MAP6: variants seen among roughly 807,000 people sequenced by gnomAD.
MAP6 encodes microtubule associated protein 6.
In MAP6, 26 loss-of-function variants were observed where a neutral mutation model predicts 42.4. That is an observed-to-expected ratio of 0.61 (90% confidence interval 0.45 to 0.85). The LOEUF (loss-of-function observed/expected upper bound fraction) is 0.85. MAP6 is among the 40% of genes least tolerant of loss of function. The pLI, the probability that MAP6 is intolerant of heterozygous loss-of-function variation, is 0.00. For missense variants in MAP6, 966 were observed against 1,099.0 expected, an observed-to-expected ratio of 0.88 and a Z score of 1.71; for synonymous variants, 418 against 443.8, an observed-to-expected ratio of 0.94 and a Z score of 0.73.
At chr11:75,666,446 G>A (rs1231303090) in intron 1 of MAP6, among the ~76,000 whole-genome samples, 1 of 152,194 alleles carries the variant, frequency 6.6e-6, no homozygotes, top group Non-Finnish European at 1.5e-5. Context: ...TGAGTGTGCT[G>A]GAGAAAGGGG....
At chr11:75,656,588 C>A (rs1258795352) in intron 1 of MAP6, among the ~76,000 whole-genome samples, 1 of 152,064 alleles carries the variant, frequency 6.6e-6, no homozygotes, top group Non-Finnish European at 1.5e-5. Context: ...TTTGCTGACT[C>A]CTCCCTCACA....
intron 1 of MAP6, among the ~76,000 whole-genome samples, chr11:75,628,722 T>C (rs1212384836): frequency 6.6e-6 from 1 of 152,228 alleles, no homozygotes; most frequent in Non-Finnish European, 1.5e-5. Flanking sequence ...GTACAAGTTA[T>C]GAGACCCATC....
chr11:75,608,232 A>C lies in MAP6; in HGVS notation c.996T>G (p.His332Gln). 6.2e-7 allele frequency: 1 copy of C among 1,614,234 alleles called. No individual in the cohort carries two copies. The highest frequency in any genetic ancestry group is 8.5e-7 in the Non-Finnish European group (1 of 1,180,034). ...QYKPPDDKMV[H>Q]ETSYSAQFKG... ...TGAACTGAGCACTGTAGCTGGTCTC[A>C]TGAACCATCTTATCATCTGGGGGCT... Residue 332 changes from histidine (H) to glutamine (Q), a missense_variant, in exon 2 of 4, where the codon CAT becomes CAG. By Grantham distance (24) the His-to-Gln change is conservative. Transcript: ENST00000304771.
chr11:75,629,553 A>G (rs894904904), intron 1 of MAP6, among the ~76,000 whole-genome samples: 5 of 152,164 alleles, frequency 3.3e-5, no homozygotes, highest in African/African-American at 1.2e-4. Context: ...CTTTCACTAT[A>G]AAGGGCAAAA....
chr11:75,652,892 C>T (rs955165281), intron 1 of MAP6, among the ~76,000 whole-genome samples: 1 of 151,684 alleles, frequency 6.6e-6, no homozygotes, highest in Non-Finnish European at 1.5e-5. Context: ...CTTTAGAAAC[C>T]TTGACAATGC....
At chr11:75,608,924 T>C (rs770075429) in intron 1 of MAP6, among the ~76,000 whole-genome samples, 19 of 152,228 alleles carry the variant, frequency 1.2e-4, no homozygotes, top group Non-Finnish European at 2.5e-4. Flanking sequence ...AACATCCTCG[T>C]GAAATGTCTA....
intron 1 of MAP6, chr11:75,635,900 T>A (rs923161373): frequency 6.6e-6 from 1 of 152,262 alleles, no homozygotes; most frequent in Non-Finnish European, 1.5e-5. Flanking sequence ...AGTTGTTTTA[T>A]AATAAGTACA....
At chr11:75,657,818 T>C (rs1009817800) in intron 1 of MAP6, among the ~76,000 whole-genome samples, 1 of 152,232 alleles carries the variant, frequency 6.6e-6, no homozygotes. Flanking sequence ...CACCCTAATA[T>C]TGACACTTCT....
chr11:75,653,933 G>A (rs1049600613), intron 1 of MAP6, among the ~76,000 whole-genome samples: 1 of 152,214 alleles, frequency 6.6e-6, no homozygotes, highest in African/African-American at 2.4e-5. Context: ...TACTACGGGC[G>A]AGGCACTGTG....
chr11:75,620,166 T>C (rs1368380951), intron 1 of MAP6, among the ~76,000 whole-genome samples: 1 of 152,168 alleles, frequency 6.6e-6, no homozygotes, highest in Admixed American at 6.5e-5. Context: ...TAACAACTTC[T>C]TTTAGAAAAT....
chr11:75,616,571 G>A (rs1942997633), intron 1 of MAP6, among the ~76,000 whole-genome samples: 2 of 152,196 alleles, frequency 1.3e-5, no homozygotes, highest in African/African-American at 4.8e-5. Context: ...GTCAGGAGGT[G>A]GTTAATGGAA....
chr11:75,658,128 T>C (rs1454163762), intron 1 of MAP6, among the ~76,000 whole-genome samples: 4 of 152,228 alleles, frequency 2.6e-5, no homozygotes, highest in African/African-American at 7.2e-5. Context: ...AATGCTGCTA[T>C]AAACATTCTT....
At chr11:75,603,635 A>C (rs1942705695) in intron 3 of MAP6, 1 of 985,108 alleles carries the variant, frequency 1.0e-6, no homozygotes. Context: ...CCCTTATGTC[A>C]AACTGCGATT....
rs976246585 is a variant in MAP6, at chr11:75,668,187, C to T, written c.183G>A (p.Ser61=). 4.0e-6 allele frequency: 5 copies of T among 1,241,460 alleles called. No homozygotes were observed. Among genetic ancestry groups the T allele is most frequent in the East Asian group, 3.4e-5 (1 of 29,554 alleles). 76.9% of individuals were successfully genotyped at this position (1,241,460 alleles called of 1,614,324 possible). The change falls in exon 1 of 4, where the codon TCG becomes TCA. Residue 61 remains serine (S), a synonymous_variant. Coordinates refer to ENST00000304771, the MANE Select transcript of MAP6 (RefSeq NM_033063.2). ...GCGTCTCTATGGCAACCGCGCGCGC[C>T]GAGGGGGGCGCGAGCGCCGGCTGCG... ...QQAQPALAPP[S]ARAVAIETQP...
chr11:75,660,992 C>A (rs1943834133), intron 1 of MAP6, among the ~76,000 whole-genome samples: 2 of 146,252 alleles, frequency 1.4e-5, no homozygotes, highest in African/African-American at 5.0e-5. Flanking sequence ...CGAGAAGGTA[C>A]AAATAAATAT....
chr11:75,603,887 T>C (rs1942710553), intron 3 of MAP6: 4 of 985,362 alleles, frequency 4.1e-6, no homozygotes, highest in African/African-American at 1.7e-5. Flanking sequence ...AGCATCAACA[T>C]GTCTGACTAA....
chr11:75,604,414 A>T, intron 3 of MAP6: 6 of 985,426 alleles, frequency 6.1e-6, no homozygotes, highest in Non-Finnish European at 7.2e-6. Context: ...CACCCCTTTC[A>T]TTGTAAAAGA....
intron 3 of MAP6, among the ~76,000 whole-genome samples, chr11:75,588,714 A>G (rs1942418249): frequency 6.6e-6 from 1 of 152,198 alleles, no homozygotes; most frequent in Non-Finnish European, 1.5e-5. Flanking sequence ...CAAGGGGTCC[A>G]TGGCATACCA....
intron 3 of MAP6, among the ~76,000 whole-genome samples, chr11:75,601,134 C>CCCTGCCTT (rs1183505060): frequency 1.3e-5 from 2 of 152,166 alleles, no homozygotes; most frequent in Non-Finnish European, 2.9e-5. Flanking sequence ...CTGGCAAGGC[C>CCCTGCCTT]CCTGCCTTCC....
Sources: gnomAD v4.1 joint callset for allele counts (sites outside exome capture counted in the v4.1 genomes callset) on GRCh38, gnomAD v4.1.1 for gene constraint, MANE v1.5 for transcripts, NCBI Gene and HGNC (gene_info 2026-07-23, HGNC 2026-07-21) for gene names.